VIRMA: variants seen among roughly 807,000 people sequenced by gnomAD.
VIRMA encodes protein virilizer homolog.
In VIRMA, 65 loss-of-function variants were observed where a neutral mutation model predicts 182.4. That is an observed-to-expected ratio of 0.36 (90% CI 0.29 to 0.44). VIRMA has a LOEUF of 0.44. Ranked by LOEUF, VIRMA falls within the 20% of genes least tolerant of loss-of-function variation. The pLI is 1.00. For synonymous variants in VIRMA, 709 were observed against 743.1 expected (o/e 0.95, Z 0.75); for missense variants, 1,752 against 2,158.1 (o/e 0.81, Z 3.73).
chr8:94,553,332 T>G lies in VIRMA; in HGVS notation c.63+53A>C, dbSNP rs1052014266. On this transcript the variant is annotated intron_variant, in intron 1 of 23. Transcript: ENST00000297591. ...AGTGGAGAACGCCTAACGGTTTTTT[T>G]GTAAAGATCCCAAGTCAAGAAGCAG... is the stretch of plus-strand genomic sequence containing the variant. 8.3e-6 allele frequency: 13 copies of G among 1,573,632 alleles called. No homozygotes were observed. The African/African-American group carries it at 1.6e-4, about 20-fold the overall frequency.
chr8:94,513,425 CAAAAAAAAAA>C (rs34173786), intron 11 of VIRMA, among the ~76,000 whole-genome samples: 1 of 115,032 alleles, frequency 8.7e-6, no homozygotes, highest in African/African-American at 3.0e-5. Flanking sequence ...GAGTCTAGAC[CAAAAAAAAAA>C]AAAAAAAAAA....
chr8:94,512,083 C>T lies in VIRMA; in HGVS notation c.2758G>A (p.Asp920Asn), dbSNP rs190293643. 5.4e-6 allele frequency: 8 copies of T among 1,470,326 alleles called. No individual in the cohort carries two copies. The highest frequency in any genetic ancestry group is 3.1e-5 in the South Asian group (2 of 64,828). The allele number at this position is 1,470,326 out of a possible 1,614,324, so 91.1% of individuals were successfully genotyped here. The change falls in exon 12 of 24, where the codon GAT becomes AAT. Residue 920 changes from aspartate to asparagine, a missense_variant. Asp to Asn is a conservative substitution (Grantham distance 23). Transcript: ENST00000297591. ...NLIEYVKQNI[D>N]NLMTPEGVGL... The stretch of plus-strand genomic sequence containing the variant: ...ACTCCTTCTGGGGTCATCAAGTTAT[C>T]GATATTCTTTAAAAATGAAAATGAA...
chr8:94,511,207 G>A lies in VIRMA; in HGVS notation c.3368C>T (p.Pro1123Leu). 6.2e-7 allele frequency: 1 copy of A among 1,614,022 alleles called. No individual in the cohort carries two copies. The highest frequency in any genetic ancestry group is 1.1e-5 in the South Asian group (1 of 91,064). ...TACCTGAGTTGTTTGCATGGGCAAT[G>A]GAAGAGGCAGCAGCTCTGAAAGGAG... Reference protein sequence around the residue: ...LILLSELLPLPLPMQTTQVIE... With the variant: ...LILLSELLPLLLPMQTTQVIE... The change falls in exon 13 of 24, where the codon CCA (proline) becomes CTA (leucine). Residue 1123 changes from proline to leucine, a missense_variant. Pro to Leu is a moderately conservative substitution (Grantham distance 98). Coordinates refer to ENST00000297591, the MANE Select transcript of VIRMA (RefSeq NM_015496.5).
chr8:94,495,129 T>C (rs1197877764), intron 19 of VIRMA, among the ~76,000 whole-genome samples, 173 bp from the exon 20 acceptor site: 1 of 152,118 alleles, frequency 6.6e-6, no homozygotes, highest in Non-Finnish European at 1.5e-5. Context: ...GCCTCCCTAG[T>C]AGCTGAGACC....
chr8:94,511,171 T>C lies in VIRMA; in HGVS notation c.3390+14A>G, dbSNP rs747889191. 2.5e-6 allele frequency: 4 copies of C among 1,609,342 alleles called. No individual in the cohort carries two copies. Among genetic ancestry groups the C allele is most frequent in the Non-Finnish European group, 3.4e-6 (4 of 1,178,948 alleles). On this transcript the variant is annotated intron_variant, in intron 13 of 23. Coordinates refer to ENST00000297591, the MANE Select transcript of VIRMA (RefSeq NM_015496.5). ...GCAGTCATTTATAAGATGCATGTTATATGGAAGTGATACCTGAGTTGTTTG... is the reference window on the plus strand; with the variant it reads ...GCAGTCATTTATAAGATGCATGTTACATGGAAGTGATACCTGAGTTGTTTG...
At chr8:94,545,982 A>AATTTCACT (rs1563483395) in intron 1 of VIRMA, among the ~76,000 whole-genome samples, 3 of 144,630 alleles carry the variant, frequency 2.1e-5, no homozygotes, top group African/African-American at 8.7e-5. Context: ...ACTTATGCCC[A>AATTTCACT]GGAGGTCAAG....
intron 1 of VIRMA, among the ~76,000 whole-genome samples, chr8:94,548,093 TTATATAGAATA>T (rs1815837112): frequency 6.6e-6 from 1 of 150,790 alleles, no homozygotes; most frequent in African/African-American, 2.5e-5. Flanking sequence ...AAAAAGGATA[TTATATAGAATA>T]TCTAAGGAGA....
intron 10 of VIRMA, 147 bp from the exon 11 acceptor site, chr8:94,515,098 CTTT>C (rs796163204): frequency 8.7e-4 from 274 of 314,240 alleles, no homozygotes; most frequent in Middle Eastern, 3.0e-3. Context: ...GCATCTAATT[CTTT>C]TTTTTTTTTT....
intron 6 of VIRMA, 136 bp downstream of exon 6, chr8:94,530,827 A>C (rs1347717628): frequency 1.1e-5 from 9 of 791,780 alleles, no homozygotes; most frequent in Non-Finnish European, 1.5e-5. Context: ...TGAGAGGATC[A>C]CTTAAGCCCA....
intron 8 of VIRMA, among the ~76,000 whole-genome samples, chr8:94,523,742 C>T (rs1427006678): frequency 6.6e-6 from 1 of 151,760 alleles, no homozygotes; most frequent in Non-Finnish European, 1.5e-5. Flanking sequence ...GATTCTCCTG[C>T]CTCAGCCTCC....
At chr8:94,508,803 G>C (rs1051187014) in intron 15 of VIRMA, among the ~76,000 whole-genome samples, 10 of 151,304 alleles carry the variant, frequency 6.6e-5, no homozygotes, top group Non-Finnish European at 1.0e-4. Context: ...ACTCTATTCT[G>C]CCTGAAAAAA....
chr8:94,507,409 AC>A, intron 15 of VIRMA, among the ~76,000 whole-genome samples: 1 of 150,808 alleles, frequency 6.6e-6, no homozygotes, highest in East Asian at 2.0e-4. Context: ...TGCTGGGATT[AC>A]AGGCATGAGC....
At chr8:94,550,673 A>G (rs2130405450) in intron 1 of VIRMA, among the ~76,000 whole-genome samples, 1 of 151,754 alleles carries the variant, frequency 6.6e-6, no homozygotes, top group Non-Finnish European at 1.5e-5. Context: ...CTGCTCAAAA[A>G]CTACCCATTT....
rs1206412057 is a variant in VIRMA at position 94,511,666 on chromosome 8, T to C, written c.2909A>G (p.Asp970Gly). 6.2e-7 allele frequency: 1 copy of C among 1,614,012 alleles called. No individual in the cohort carries two copies. Among genetic ancestry groups the C allele is most frequent in the Non-Finnish European group, 8.5e-7 (1 of 1,179,930 alleles). ...VIQLFSAEGM[D>G]TFIRVLQKLN... ...TTTTTGCAGAACTCGAATAAACGTGTCCATTCCTTCAGCAGAAAAAAGCTG... is the reference window on the plus strand; with the variant it reads ...TTTTTGCAGAACTCGAATAAACGTGCCCATTCCTTCAGCAGAAAAAAGCTG... The change falls in exon 13 of 24, where the codon GAC becomes GGC. Residue 970 changes from aspartate (D) to glycine (G), a missense_variant. Physicochemically the swap from Asp to Gly is moderately conservative, Grantham distance 94. This residue lies in a region of VIRMA where 777 missense variants were observed against 920.6 expected (regional missense o/e 0.84). Coordinates refer to ENST00000297591, the MANE Select transcript of VIRMA (RefSeq NM_015496.5).
Position 94,499,432 on chromosome 8 carries a change from C to A in VIRMA, c.4172G>T (p.Gly1391Val), listed in dbSNP as rs149999621. ...TTCTAAAAATGAAGATGCAAGCTCT[C>A]CTGTGTCCTTACTAAATGTGCTGAC... Reference protein sequence around the residue: ...RVVSTFSKDTGELASSFLEFM... With the variant: ...RVVSTFSKDTVELASSFLEFM... The change falls in exon 17 of 24, where the codon GGA (glycine) becomes GTA (valine). Residue 1391 changes from glycine to valine, a missense_variant. This residue lies in a region of VIRMA where 777 missense variants were observed against 920.6 expected (regional missense o/e 0.84). Coordinates refer to ENST00000297591, the MANE Select transcript of VIRMA (RefSeq NM_015496.5). The A allele has an allele frequency of 7.9e-5, 127 of 1,609,168 alleles. No homozygotes were observed. The highest frequency in any genetic ancestry group is 1.0e-4 in the Non-Finnish European group (118 of 1,178,108).
chr8:94,524,824 G>A (rs1586093172), intron 8 of VIRMA, among the ~76,000 whole-genome samples: 1 of 152,170 alleles, frequency 6.6e-6, no homozygotes, highest in East Asian at 1.9e-4. Context: ...CAAAATACAT[G>A]ATTTCCTATC....
intron 6 of VIRMA, 101 bp from the exon 7 acceptor site, chr8:94,529,443 GT>G: frequency 1.6e-6 from 1 of 637,020 alleles, no homozygotes; most frequent in Non-Finnish European, 2.8e-6. Context: ...GGTTGATATA[GT>G]TTATAAATAC....
At chr8:94,502,570 C>T (rs1396877685) in intron 16 of VIRMA, among the ~76,000 whole-genome samples, 1 of 151,748 alleles carries the variant, frequency 6.6e-6, no homozygotes, top group Non-Finnish European at 1.5e-5. Flanking sequence ...GTATATTTCC[C>T]AGCTCTATCC....
rs374306272 is a variant in VIRMA, at chr8:94,523,957, C to T, written c.2021+2266G>A. 1.3e-3 allele frequency among the ~76,000 whole-genome samples: 188 copies of T among 149,816 alleles called. 2 individuals carry two copies. The highest frequency in any genetic ancestry group is 4.5e-3 in the African/African-American group (182 of 40,860). On this transcript the variant is annotated intron_variant, in intron 8 of 23. Coordinates refer to ENST00000297591, the MANE Select transcript of VIRMA (RefSeq NM_015496.5). ...ACGGGCACATTCCACCAAAGCCCGGCTAGTTTTTGTGTGTGTCTGTGTGTG... is the reference window on the plus strand; with the variant it reads ...ACGGGCACATTCCACCAAAGCCCGGTTAGTTTTTGTGTGTGTCTGTGTGTG...
Sources: allele counts gnomAD v4.1 joint callset (sites outside exome capture counted in the v4.1 genomes callset), GRCh38; gene constraint gnomAD v4.1.1; regional missense constraint gnomAD v4.1.1; transcripts MANE v1.5; gene names NCBI Gene and HGNC (gene_info 2026-07-23, HGNC 2026-07-21).